Variants in SAMD5 observed in about 807,000 individuals in gnomAD.
SAMD5 encodes sterile alpha motif domain containing 5, also known as sterile alpha motif domain-containing protein 5.
A neutral mutation model predicts 11.3 loss-of-function variants in SAMD5; 13 were observed. The observed-to-expected ratio is 1.15, with a 90% CI of 0.75 to 1.83. The LOEUF is 1.83. Ranked by LOEUF, SAMD5 falls within the 40% of genes most tolerant of loss-of-function variation. The probability of loss-of-function intolerance (pLI) is 0.00; values close to 1 mark genes in which losing one functional copy is unlikely to be tolerated. For missense variants in SAMD5, 255 were observed against 239.1 expected (o/e 1.07, Z -0.44); for synonymous variants, 129 against 111.3 (o/e 1.16, Z -1.00).
chr6:147,604,062 A>C lies in SAMD5; in HGVS notation c.162+94675A>C, dbSNP rs182175785. Reference sequence around the variant, plus strand: ...TTTAAATTTAATAACCCTGGTGTTTAATCTGGAATATAGGCTTAATATTAT... The same window carrying C: ...TTTAAATTTAATAACCCTGGTGTTTCATCTGGAATATAGGCTTAATATTAT... On this transcript the variant is annotated intron_variant, in intron 1 of 1. Coordinates refer to the SAMD5 transcript ENST00000566741. Among the ~76,000 whole-genome samples the C allele has an allele frequency of 4.6e-5, 7 of 152,316 alleles. No individual in the cohort carries two copies. In the East Asian group the frequency reaches 1.3e-3, roughly 29 times the overall value.
At chr6:147,821,547 A>G in the SAMD5 span, among the ~76,000 whole-genome samples, 1 of 152,188 alleles carries the variant, frequency 6.6e-6, no homozygotes, top group Non-Finnish European at 1.5e-5. Flanking sequence ...AAGAAGCGGC[A>G]CCACGCTGAC....
At chr6:147,639,267 C>T (rs1790275785) in intron 1 of SAMD5, among the ~76,000 whole-genome samples, 2 of 152,048 alleles carry the variant, frequency 1.3e-5, no homozygotes. Flanking sequence ...TATAAAAGAA[C>T]AATTAATGAA....
At position 147,611,030 on chromosome 6, in the gene SAMD5, C is replaced by T. The variant is rs374472141; in HGVS notation, c.162+101643C>T. ...GACTACAGGTATATGCCACGACGCC[C>T]GGCTAATTTTTGTATTTTTAGTAGA... On this transcript the variant is annotated intron_variant, in intron 1 of 1. Transcript: ENST00000566741. 6.8e-4 allele frequency among the ~76,000 whole-genome samples: 104 copies of T among 151,962 alleles called. 1 individual carries two copies. Among genetic ancestry groups the T allele is most frequent in the African/African-American group, 2.1e-3 (89 of 41,442 alleles).
At chr6:147,947,752 G>C in the SAMD5 span, among the ~76,000 whole-genome samples, 2 of 152,142 alleles carry the variant, frequency 1.3e-5, no homozygotes, top group Non-Finnish European at 2.9e-5. Flanking sequence ...GGCTGATTAA[G>C]TGTTGATGAA....
At chr6:147,755,903 T>C in the SAMD5 span, among the ~76,000 whole-genome samples, 4 of 152,146 alleles carry the variant, frequency 2.6e-5, no homozygotes, top group Non-Finnish European at 5.9e-5. Context: ...TAAAATAACA[T>C]TGAACACAAA....
At chr6:147,890,092 T>G in the SAMD5 span, among the ~76,000 whole-genome samples, 1 of 152,128 alleles carries the variant, frequency 6.6e-6, no homozygotes, top group Non-Finnish European at 1.5e-5. Flanking sequence ...AAATTTTAAA[T>G]GTTTTGAACC....
At chr6:147,653,277 G>A (rs1006064961) in intron 1 of SAMD5, among the ~76,000 whole-genome samples, 1 of 152,188 alleles carries the variant, frequency 6.6e-6, no homozygotes, top group Non-Finnish European at 1.5e-5. Flanking sequence ...CAAATAAGAA[G>A]ATGATCTAAA....
At chr6:147,527,853 C>A (rs1788367674) in intron 1 of SAMD5, among the ~76,000 whole-genome samples, 1 of 152,046 alleles carries the variant, frequency 6.6e-6, no homozygotes, top group Non-Finnish European at 1.5e-5. Flanking sequence ...TTAATTGGCT[C>A]ACAGTTCTGC....
chr6:147,566,564 G>A lies in SAMD5; in HGVS notation c.*2108G>A, dbSNP rs1400714774. On this transcript the variant is annotated 3_prime_UTR_variant, in exon 2 of 2. Transcript: ENST00000367474. ...GGCAATCTACTGCAATGGAAAAAGG[G>A]TTCCTTGGTCATTTCAAGTTTTATT... 4.1e-6 allele frequency: 4 copies of A among 983,520 alleles called. No homozygotes were observed. The highest frequency in any genetic ancestry group is 5.2e-4 in the Middle Eastern group (1 of 1,914). 60.9% of individuals were successfully genotyped at this position (983,520 alleles called of 1,614,324 possible). A position where few individuals can be genotyped will look rare whatever the true frequency, so the allele number is the denominator to read the frequency against.
At chr6:147,950,808 A>G in the SAMD5 span, among the ~76,000 whole-genome samples, 8 of 151,870 alleles carry the variant, frequency 5.3e-5, no homozygotes, top group African/African-American at 1.9e-4. Context: ...CACCCTCAAT[A>G]TTGCTCTCAG....
chr6:147,540,938 T>C (rs866717586), intron 1 of SAMD5, among the ~76,000 whole-genome samples: 1 of 121,114 alleles, frequency 8.3e-6, no homozygotes, highest in Non-Finnish European at 1.7e-5. Flanking sequence ...CACGCGTTTT[T>C]TTTTTTTTTT....
chr6:147,565,870 G>A lies in SAMD5; in HGVS notation c.*1414G>A. 1.0e-6 allele frequency: 1 copy of A among 985,372 alleles called. No homozygotes were observed. Among genetic ancestry groups the A allele is most frequent in the Non-Finnish European group, 1.2e-6 (1 of 829,892 alleles). The allele number at this position is 985,372 out of a possible 1,614,324, so 61.0% of individuals were successfully genotyped here. A position where few individuals can be genotyped will look rare whatever the true frequency, so the allele number is the denominator to read the frequency against. ...AGATGTTGACGTACAACTGGCTCCTGAGGCTGTCAATTGTTTAGAGCTCCC... is the reference window on the plus strand; with the variant it reads ...AGATGTTGACGTACAACTGGCTCCTAAGGCTGTCAATTGTTTAGAGCTCCC... On this transcript the variant is annotated 3_prime_UTR_variant, in exon 2 of 2. Transcript: ENST00000367474.
chr6:147,807,049 C>T, the SAMD5 span, among the ~76,000 whole-genome samples: 1 of 152,048 alleles, frequency 6.6e-6, no homozygotes, highest in African/African-American at 2.4e-5. Context: ...ACTTCATAGC[C>T]TCCAGAACTG....
chr6:147,574,068 C>T (rs1302375603), downstream of SAMD5, among the ~76,000 whole-genome samples: 1 of 151,412 alleles, frequency 6.6e-6, no homozygotes, highest in African/African-American at 2.4e-5. Context: ...GCGGAGCTTG[C>T]AGTGAGCTGA....
the SAMD5 span, among the ~76,000 whole-genome samples, chr6:147,863,269 C>T: frequency 6.6e-6 from 1 of 152,250 alleles, no homozygotes; most frequent in Admixed American, 6.5e-5. Context: ...TCTAAGTTTA[C>T]ACAGGCCCTC....
At chr6:147,855,016 A>G in the SAMD5 span, among the ~76,000 whole-genome samples, 1 of 152,218 alleles carries the variant, frequency 6.6e-6, no homozygotes, top group Admixed American at 6.5e-5. Flanking sequence ...GGCATTCAGA[A>G]GAAAATATAA....
chr6:147,691,111 C>T (rs1791097012), intron 1 of SAMD5, among the ~76,000 whole-genome samples: 1 of 152,108 alleles, frequency 6.6e-6, no homozygotes, highest in Non-Finnish European at 1.5e-5. Flanking sequence ...TCTCCTGCCT[C>T]AGCCTCCTGA....
chr6:147,802,742 A>G, the SAMD5 span, among the ~76,000 whole-genome samples: 1,875 of 152,222 alleles, frequency 0.012, 49 homozygotes, highest in African/African-American at 0.042. Flanking sequence ...CAGCGCACAC[A>G]ACACAAAGAA....
chr6:147,814,382 A>G, the SAMD5 span, among the ~76,000 whole-genome samples: 2 of 152,244 alleles, frequency 1.3e-5, no homozygotes, highest in Non-Finnish European at 2.9e-5. Flanking sequence ...ATATTAATAC[A>G]TATTACAGGT....
Sources: gnomAD v4.1 joint callset for allele counts (sites outside exome capture counted in the v4.1 genomes callset) on GRCh38, gnomAD v4.1.1 for gene constraint, MANE v1.5 for transcripts, NCBI Gene and HGNC (gene_info 2026-07-23, HGNC 2026-07-21) for gene names.